Variants in RNF169 observed in about 807,000 individuals in gnomAD.
RNF169 encodes the protein ring finger protein 169.
A neutral mutation model predicts 53.9 loss-of-function variants in RNF169; 24 were observed. The observed-to-expected ratio is 0.45, with a 90% confidence interval of 0.32 to 0.63. RNF169 has a LOEUF of 0.63. Ranked by LOEUF, RNF169 falls within the 20% of genes least tolerant of loss-of-function variation. The pLI is 0.04. For missense variants in RNF169, 883 were observed against 906.2 expected (o/e 0.97, Z 0.33); for synonymous variants, 396 against 363.5 (o/e 1.09, Z -1.02).
chr11:74,803,680 A>G (rs2035765628), intron 2 of RNF169, among the ~76,000 whole-genome samples: 2 of 152,240 alleles, frequency 1.3e-5, no homozygotes, highest in Non-Finnish European at 2.9e-5. Context: ...AGCATAACAG[A>G]TGTTATAAAT....
At chr11:74,800,378 A>G (rs529216944) in intron 2 of RNF169, among the ~76,000 whole-genome samples, 30 of 152,266 alleles carry the variant, frequency 2.0e-4, no homozygotes, top group African/African-American at 7.2e-4. Flanking sequence ...AATACAGATG[A>G]TGTAGATATT....
chr11:74,788,262 T>C (rs779962134), intron 1 of RNF169, among the ~76,000 whole-genome samples: 3 of 151,858 alleles, frequency 2.0e-5, no homozygotes, highest in Non-Finnish European at 2.9e-5. Flanking sequence ...TTAAGAGATA[T>C]GTATTCTATT....
At chr11:74,763,718 G>A (rs504970) in intron 1 of RNF169, among the ~76,000 whole-genome samples, 52,218 of 151,978 alleles carry the variant, frequency 0.34, 10,990 homozygotes, top group African/African-American at 0.6. Flanking sequence ...AACATGTAAT[G>A]GTACTTCCAG....
rs2034846674 is a variant in RNF169, at chr11:74,749,317, A to C, written c.437A>C (p.Asp146Ala). ...SQPERCRPRR[D>A]GGAAAAGPRP... Reference sequence around the variant, plus strand: ...CCCGAGCGCTGCCGCCCGCGCCGGGACGGGGGCGCGGCTGCCGCGGGGCCC... The same window carrying C: ...CCCGAGCGCTGCCGCCCGCGCCGGGCCGGGGGCGCGGCTGCCGCGGGGCCC... The change falls in exon 1 of 6, where the codon GAC becomes GCC. Residue 146 changes from aspartate to alanine, a missense_variant. Coordinates refer to ENST00000299563, the MANE Select transcript of RNF169 (RefSeq NM_001098638.2). 4 of 1,190,522 alleles carry C rather than the reference A, an allele frequency of 3.4e-6. No homozygotes were observed. The highest frequency in any genetic ancestry group is 4.2e-6 in the Non-Finnish European group (4 of 962,684). 73.7% of individuals were successfully genotyped at this position (1,190,522 alleles called of 1,614,324 possible).
intron 1 of RNF169, among the ~76,000 whole-genome samples, chr11:74,759,919 G>A (rs1376266762): frequency 6.6e-6 from 1 of 151,290 alleles, no homozygotes; most frequent in Non-Finnish European, 1.5e-5. Context: ...GGTAGAATTC[G>A]GCTGTGAATC....
At chr11:74,760,179 T>C (rs1391080004) in intron 1 of RNF169, among the ~76,000 whole-genome samples, 1 of 150,788 alleles carries the variant, frequency 6.6e-6, no homozygotes, top group South Asian at 2.1e-4. Context: ...TTTTTTATTG[T>C]GTCTATTTGA....
chr11:74,785,254 GATATATATGTTATATATATTAGAT>G (rs2035481785), intron 1 of RNF169, among the ~76,000 whole-genome samples: 2 of 135,708 alleles, frequency 1.5e-5, no homozygotes, highest in Non-Finnish European at 3.1e-5. Context: ...ATATATGTTA[GATATATATGTTATATATATTAGAT>G]ATATATATGT....
Position 74,789,613 on chromosome 11 carries a change from C to G in RNF169, c.503-13C>G. 1 of 1,583,380 alleles carries G rather than the reference C, an allele frequency of 6.3e-7. No individual in the cohort carries two copies. Among genetic ancestry groups the G allele is most frequent in the Non-Finnish European group, 8.7e-7 (1 of 1,155,608 alleles). On this transcript the variant is annotated splice_polypyrimidine_tract_variant and intron_variant, in intron 1 of 5. Transcript: ENST00000299563. Reference sequence around the variant, plus strand: ...GTCATCTTAAAAAGTATTTTCTTTTCCCTTTCTTTCAGACTTTATATTCAG... The same window carrying G: ...GTCATCTTAAAAAGTATTTTCTTTTGCCTTTCTTTCAGACTTTATATTCAG...
chr11:74,750,320 G>A (rs767819345), intron 1 of RNF169, among the ~76,000 whole-genome samples: 6 of 152,114 alleles, frequency 3.9e-5, no homozygotes, highest in Non-Finnish European at 5.9e-5. Context: ...CCTAGAATGA[G>A]ATTTTCAAGA....
At chr11:74,820,246 G>A (rs921481885) in intron 4 of RNF169, among the ~76,000 whole-genome samples, 2 of 152,178 alleles carry the variant, frequency 1.3e-5, no homozygotes, top group African/African-American at 4.8e-5. Flanking sequence ...GAGTTTTAGG[G>A]AAGAAGTAGC....
At position 74,809,024 on chromosome 11, in the gene RNF169, G is replaced by A. The variant is rs925335145; in HGVS notation, c.577-1160G>A. Among the ~76,000 whole-genome samples the A allele has an allele frequency of 5.0e-4, 76 of 152,034 alleles. 1 individual carries two copies. Among genetic ancestry groups the A allele is most frequent in the Non-Finnish European group, 1.2e-4 (8 of 68,006 alleles). ...ACTAATATTTTAAAGATTAGTTCAG[G>A]CTTACAAAAATCAGACCTATAGAAA... On this transcript the variant is annotated intron_variant, in intron 2 of 5. Transcript: ENST00000299563.
At position 74,835,771 on chromosome 11, in the gene RNF169, T is replaced by C; in HGVS notation, c.1168T>C (p.Cys390Arg). Residue 390 changes from cysteine to arginine, a missense_variant, in exon 6 of 6, where the codon TGT becomes CGT. Physicochemically the swap from Cys to Arg is radical, Grantham distance 180. Transcript: ENST00000299563. Reference sequence around the variant, plus strand: ...TTTCAAGCCCATTGTCTGCTCACCATGTACTCCTCCCAAGAGACTCCCTGA... The same window carrying C: ...TTTCAAGCCCATTGTCTGCTCACCACGTACTCCTCCCAAGAGACTCCCTGA... ...NHFKPIVCSP[C>R]TPPKRLPDGR... The C allele has an allele frequency of 1.2e-6, 2 of 1,614,212 alleles. No individual in the cohort carries two copies. The highest frequency in any genetic ancestry group is 8.5e-7 in the Non-Finnish European group (1 of 1,180,032).
intron 2 of RNF169, among the ~76,000 whole-genome samples, chr11:74,805,820 G>C (rs1475393762): frequency 1.3e-5 from 2 of 151,694 alleles, no homozygotes; most frequent in Non-Finnish European, 2.9e-5. Flanking sequence ...TTGAAAATCA[G>C]AATTCATGGA....
intron 1 of RNF169, among the ~76,000 whole-genome samples, chr11:74,761,130 C>T (rs1445126891): frequency 7.8e-6 from 1 of 128,966 alleles, no homozygotes; most frequent in East Asian, 2.2e-4. Context: ...ACTAGGATTG[C>T]AACCCCTGCC....
At chr11:74,769,873 A>G (rs926162570) in intron 1 of RNF169, among the ~76,000 whole-genome samples, 8 of 152,124 alleles carry the variant, frequency 5.3e-5, no homozygotes, top group African/African-American at 1.9e-4. Context: ...ATGGCACATT[A>G]CAGCCTCTAC....
chr11:74,752,070 A>G (rs1053368609), intron 1 of RNF169, among the ~76,000 whole-genome samples: 40 of 151,498 alleles, frequency 2.6e-4, no homozygotes, highest in African/African-American at 9.7e-4. Context: ...CGTCTCTACT[A>G]AAAATACAAA....
At chr11:74,755,643 G>T (rs935332578) in intron 1 of RNF169, among the ~76,000 whole-genome samples, 1 of 152,242 alleles carries the variant, frequency 6.6e-6, no homozygotes, top group African/African-American at 2.4e-5. Context: ...GGAATGGGCT[G>T]ACTGACAATT....
chr11:74,798,295 C>T (rs1296497660), intron 2 of RNF169, among the ~76,000 whole-genome samples: 9 of 152,074 alleles, frequency 5.9e-5, no homozygotes, highest in South Asian at 2.1e-4. Flanking sequence ...TTTCTCAGCA[C>T]GGAACATCCC....
intron 1 of RNF169, among the ~76,000 whole-genome samples, chr11:74,761,713 CTTTCTCTCT>C (rs1176828750): frequency 1.3e-5 from 2 of 151,906 alleles, no homozygotes; most frequent in East Asian, 3.9e-4. Context: ...CTTTCCCGAC[CTTTCTCTCT>C]GGCTGCCCTT....
Sources: gnomAD v4.1 joint callset for allele counts (sites outside exome capture counted in the v4.1 genomes callset) on GRCh38, gnomAD v4.1.1 for gene constraint, MANE v1.5 for transcripts, NCBI Gene and HGNC (gene_info 2026-07-23, HGNC 2026-07-21) for gene names.